The following CMYA5 variants were observed in gnomAD, a reference collection of about 807,000 sequenced individuals.
CMYA5 encodes cardiomyopathy-associated protein 5.
Under a neutral mutation model 318.9 loss-of-function variants are expected in CMYA5, and 246 were observed. The observed-to-expected ratio is 0.77, with a 90% CI of 0.70 to 0.86. CMYA5 has a LOEUF of 0.86. Among genes scored for constraint, CMYA5 ranks in the 40% least tolerant of loss-of-function variants. The pLI, the probability that CMYA5 is intolerant of heterozygous loss-of-function variation, is 0.00. For missense variants in CMYA5, 4,589 were observed against 4,678.2 expected (o/e 0.98, Z 0.56); for synonymous variants, 1,641 against 1,729.5 (o/e 0.95, Z 1.27).
chr5:79,793,934 G>A (rs371727742), intron 12 of CMYA5, among the ~76,000 whole-genome samples: 41 of 152,312 alleles, frequency 2.7e-4, no homozygotes, highest in African/African-American at 9.9e-4. Flanking sequence ...AGCAGAGAAG[G>A]ATGTATGTCT....
At chr5:79,700,336 C>T (rs1247323974) in intron 1 of CMYA5, among the ~76,000 whole-genome samples, 1 of 151,926 alleles carries the variant, frequency 6.6e-6, no homozygotes, top group Non-Finnish European at 1.5e-5. Flanking sequence ...GCCTTGGGTT[C>T]CAGAATCTTC....
In CMYA5 at chr5:79,799,351, C is replaced by T; in HGVS notation, c.11964-19C>T. 1 of 1,581,738 alleles carries T rather than the reference C, an allele frequency of 6.3e-7. No homozygotes were observed. The highest frequency in any genetic ancestry group is 8.6e-7 in the Non-Finnish European group (1 of 1,157,202). On this transcript the variant is annotated intron_variant, in intron 12 of 12. Coordinates refer to ENST00000446378, the MANE Select transcript of CMYA5 (RefSeq NM_153610.5). ...TGAGATTTCCAGAGTTTTATGTTTC[C>T]CATTCGCTTTCATTTCAGATACACA...
intron 9 of CMYA5, among the ~76,000 whole-genome samples, chr5:79,770,380 G>C (rs114203175): frequency 0.017 from 2,487 of 146,398 alleles, 70 homozygotes; most frequent in African/African-American, 0.06. Flanking sequence ...CTGGCTCAGT[G>C]CCTGCCCAAA....
intron 5 of CMYA5, among the ~76,000 whole-genome samples, chr5:79,750,748 G>A (rs1256788192): frequency 6.6e-6 from 1 of 152,072 alleles, no homozygotes; most frequent in African/African-American, 2.4e-5. Context: ...TTGCTCTTTT[G>A]TGTTATAATA....
chr5:79,737,788 T>G lies in CMYA5; in HGVS notation c.9023T>G (p.Leu3008Ter). 1.2e-6 allele frequency: 2 copies of G among 1,611,098 alleles called. No individual in the cohort carries two copies. The highest frequency in any genetic ancestry group is 1.7e-6 in the Non-Finnish European group (2 of 1,179,226). Residue 3008 changes from leucine (L) to a stop codon, truncating the protein, a stop_gained, in exon 2 of 13, where the codon TTA becomes TGA. Transcript: ENST00000446378. LOFTEE classifies it high-confidence loss of function. ...VACHKTLKSRLEDEKVTPLKE... is the reference protein window; with the variant it reads ...VACHKTLKSR The stretch of plus-strand genomic sequence containing the variant: ...TGTCATAAAACATTAAAGAGCAGGT[T>G]AGAAGATGAAAAAGTTACCCCATTG...
chr5:79,768,346 T>C (rs1398172165), intron 9 of CMYA5, among the ~76,000 whole-genome samples: 1 of 152,232 alleles, frequency 6.6e-6, no homozygotes, highest in Non-Finnish European at 1.5e-5. Flanking sequence ...GTCATTATGA[T>C]GCTAGCTGGT....
intron 12 of CMYA5, among the ~76,000 whole-genome samples, chr5:79,798,145 GCTT>G (rs1197329104): frequency 6.6e-6 from 1 of 151,586 alleles, no homozygotes; most frequent in Non-Finnish European, 1.5e-5. Context: ...TTCCACGTGA[GCTT>G]CTTTCTGCAA....
Position 79,793,498 on chromosome 5 carries a change from G to A in CMYA5, c.11851G>A (p.Val3951Ile). Residue 3951 changes from valine (V) to isoleucine (I), a missense_variant, in exon 12 of 13, where the codon GTC becomes ATC. Coordinates refer to ENST00000446378, the MANE Select transcript of CMYA5 (RefSeq NM_153610.5). ...TGGCCAGCATTACTGGGAAACCACAGTCACAGACTGCCCAGCATATCGACT... is the reference window on the plus strand; with the variant it reads ...TGGCCAGCATTACTGGGAAACCACAATCACAGACTGCCCAGCATATCGACT... ...SCGQHYWETT[V>I]TDCPAYRLGI... is the part of the protein sequence containing the mutation. 6.2e-7 allele frequency: 1 copy of A among 1,613,980 alleles called. No homozygotes were observed. The highest frequency in any genetic ancestry group is 1.1e-5 in the South Asian group (1 of 91,086).
chr5:79,762,770 CTTTAT>C (rs538860021), intron 8 of CMYA5: 2 of 309,878 alleles, frequency 6.5e-6, no homozygotes, highest in African/African-American at 4.2e-5. Context: ...GGGAAAGAAT[CTTTAT>C]TTTGATTTGC....
rs201243267 is a variant in CMYA5, at chr5:79,733,909, C to A, written c.5144C>A (p.Pro1715His). ...GAATCTCAGAATGAAGAAATTAAAC[C>A]TTTCTCTCCCAAGATCATCAGCCTA... ...REESQNEEIK[P>H]FSPKIISLES... is the part of the protein sequence containing the mutation. The change falls in exon 2 of 13, where the codon CCT (proline) becomes CAT (histidine). Residue 1715 changes from proline (P) to histidine (H), a missense_variant. Coordinates refer to ENST00000446378, the MANE Select transcript of CMYA5 (RefSeq NM_153610.5). 1.2e-6 allele frequency: 2 copies of A among 1,612,928 alleles called. No homozygotes were observed. Among genetic ancestry groups the A allele is most frequent in the Admixed American group, 1.7e-5 (1 of 59,850 alleles).
chr5:79,739,475 A>G (rs574968094), intron 2 of CMYA5, 72 bp downstream of exon 2: 322 of 1,123,986 alleles, frequency 2.9e-4, no homozygotes, highest in Middle Eastern at 7.7e-4. Context: ...CATTTTCTCA[A>G]TTTTAAAGAT....
intron 1 of CMYA5, among the ~76,000 whole-genome samples, chr5:79,699,489 C>A (rs574136262): frequency 2.0e-5 from 3 of 152,240 alleles, no homozygotes; most frequent in South Asian, 2.1e-4. Context: ...TAAATTGAAT[C>A]CATTTTTGAA....
chr5:79,760,832 A>G (rs906273021), intron 7 of CMYA5, among the ~76,000 whole-genome samples: 2 of 152,198 alleles, frequency 1.3e-5, no homozygotes, highest in Non-Finnish European at 2.9e-5. Context: ...TGGGAGAAAT[A>G]TTCTTCAGTG....
chr5:79,778,815 G>GTGTGTGTGTGTGTGTATGTGTA (rs1561228873), intron 9 of CMYA5, among the ~76,000 whole-genome samples: 3 of 106,068 alleles, frequency 2.8e-5, no homozygotes, highest in East Asian at 5.5e-4. Context: ...CTCTTTCTGT[G>GTGTGTGTGTGTGTGTATGTGTA]TGTGTGTGTG....
intron 9 of CMYA5, among the ~76,000 whole-genome samples, chr5:79,784,697 C>T (rs1339905757): frequency 7.4e-6 from 1 of 135,358 alleles, no homozygotes; most frequent in Admixed American, 7.4e-5. Context: ...GCGTCCGTCA[C>T]CCCTTTCTTT....
At position 79,770,715 on chromosome 5, in the gene CMYA5, C is replaced by T. The variant is rs564722892; in HGVS notation, c.11555+7506C>T. On this transcript the variant is annotated intron_variant, in intron 9 of 12. Coordinates refer to ENST00000446378, the MANE Select transcript of CMYA5 (RefSeq NM_153610.5). ...GCTGGAGACCAGAGCTGTTCCTATT[C>T]GGCCATCTTGCCAGCCACCTCTAGA... 4.6e-5 allele frequency among the ~76,000 whole-genome samples: 7 copies of T among 152,214 alleles called. No homozygotes were observed. The South Asian group carries it at 1.0e-3, about 23-fold the overall frequency.
Position 79,739,070 on chromosome 5 carries a change from CAT to C in CMYA5, c.10308_10309del (p.Leu3437IlefsTer11). 1.2e-6 allele frequency: 2 copies of C among 1,613,842 alleles called. No homozygotes were observed. Among genetic ancestry groups the C allele is most frequent in the South Asian group, 2.2e-5 (2 of 91,078 alleles). ...SLHNEVVPQDILSEELSSEST... is the reference protein window; with the variant it reads ...SLHNEVVPQDXLSEELSSEST... ...TGCATAATGAAGTGGTTCCTCAAGA[CAT>C]ATTATCAGAAGAACTGTCTTCAGAA... On this transcript the variant is annotated frameshift_variant, in exon 2 of 13. Transcript: ENST00000446378. LOFTEE classifies it high-confidence loss of function.
intron 2 of CMYA5, among the ~76,000 whole-genome samples, chr5:79,739,665 A>AACAC (rs368541481): frequency 5.7e-4 from 85 of 150,000 alleles, no homozygotes; most frequent in African/African-American, 1.8e-3. Context: ...ATCCAGGAAA[A>AACAC]ACACACACAC....
intron 9 of CMYA5, among the ~76,000 whole-genome samples, chr5:79,788,709 C>T (rs1480166692): frequency 1.3e-5 from 2 of 152,054 alleles, no homozygotes; most frequent in African/African-American, 4.8e-5. Context: ...CAAGAGTAGT[C>T]TGTTTTCTGA....
Sources: gnomAD v4.1 joint callset for allele counts (sites outside exome capture counted in the v4.1 genomes callset) on GRCh38, gnomAD v4.1.1 for gene constraint, MANE v1.5 for transcripts, NCBI Gene and HGNC (gene_info 2026-07-23, HGNC 2026-07-21) for gene names.